Variants in ZNF407 observed in about 807,000 individuals in gnomAD.
The protein encoded by ZNF407 is zinc finger protein 407.
Under a neutral mutation model 131.2 loss-of-function variants are expected in ZNF407, and 17 were observed. That is an observed-to-expected ratio of 0.13 (90% confidence interval 0.09 to 0.19). The LOEUF (loss-of-function observed/expected upper bound fraction) is 0.19. Ranked by LOEUF, ZNF407 falls within the 10% of genes least tolerant of loss-of-function variation. The pLI, the probability that ZNF407 is intolerant of heterozygous loss-of-function variation, is 1.00. For synonymous variants in ZNF407, 1,156 were observed against 1,062.0 expected (o/e 1.09, Z -1.72); for missense variants, 2,681 against 2,830.6 (o/e 0.95, Z 1.20).
At chr18:74,828,111 C>T (rs1380852429) in intron 4 of ZNF407, among the ~76,000 whole-genome samples, 1 of 152,194 alleles carries the variant, frequency 6.6e-6, no homozygotes, top group East Asian at 1.9e-4. Context: ...TACTGCTATG[C>T]TTCCTTCGCG....
chr18:74,734,402 T>G (rs1356001290), intron 3 of ZNF407, among the ~76,000 whole-genome samples: 1 of 152,136 alleles, frequency 6.6e-6, no homozygotes, highest in Non-Finnish European at 1.5e-5. Context: ...GGTATTTCAG[T>G]TTTGTTTTTT....
intron 8 of ZNF407, among the ~76,000 whole-genome samples, chr18:74,941,058 C>T (rs931015521): frequency 6.7e-6 from 1 of 148,382 alleles, no homozygotes; most frequent in African/African-American, 2.6e-5. Flanking sequence ...TAAGTGAATC[C>T]CAGTGGCGGA....
intron 4 of ZNF407, among the ~76,000 whole-genome samples, chr18:74,851,535 G>A (rs1045725095): frequency 5.9e-5 from 9 of 152,176 alleles, no homozygotes; most frequent in Non-Finnish European, 1.2e-4. Flanking sequence ...GCACAAGGGC[G>A]CGAGGCTGTG....
intron 4 of ZNF407, among the ~76,000 whole-genome samples, chr18:74,871,150 G>A (rs1971081475): frequency 6.6e-6 from 1 of 152,150 alleles, no homozygotes; most frequent in Admixed American, 6.5e-5. Flanking sequence ...TGGGCATGGT[G>A]GCCGGTCGGC....
chr18:74,751,980 TC>T (rs1269030788), intron 3 of ZNF407, among the ~76,000 whole-genome samples: 4 of 152,200 alleles, frequency 2.6e-5, no homozygotes, highest in Admixed American at 2.6e-4. Flanking sequence ...TAGTTTACAG[TC>T]CCACCAACAG....
At chr18:74,730,249 C>G (rs1238402526) in intron 3 of ZNF407, among the ~76,000 whole-genome samples, 1 of 152,190 alleles carries the variant, frequency 6.6e-6, no homozygotes, top group Non-Finnish European at 1.5e-5. Context: ...TAAGGTTTCT[C>G]AGGTACACTT....
chr18:74,892,560 G>A (rs1006105188), intron 7 of ZNF407, among the ~76,000 whole-genome samples: 2 of 152,174 alleles, frequency 1.3e-5, no homozygotes, highest in African/African-American at 4.8e-5. Context: ...TGCTCAACAA[G>A]TGAATGCAGG....
At chr18:75,031,198 C>T (rs1171859924) in intron 8 of ZNF407, among the ~76,000 whole-genome samples, 1 of 152,198 alleles carries the variant, frequency 6.6e-6, no homozygotes, top group Non-Finnish European at 1.5e-5. Flanking sequence ...AGTTCAGCTT[C>T]CTGTGCTATT....
At chr18:74,965,620 A>G (rs981957339) in intron 8 of ZNF407, among the ~76,000 whole-genome samples, 1 of 152,256 alleles carries the variant, frequency 6.6e-6, no homozygotes, top group Non-Finnish European at 1.5e-5. Flanking sequence ...GTTGCAACAA[A>G]CATGGGAGCA....
intron 8 of ZNF407, among the ~76,000 whole-genome samples, chr18:75,057,417 G>A (rs922131900): frequency 1.3e-5 from 2 of 152,158 alleles, no homozygotes; most frequent in Non-Finnish European, 2.9e-5. Context: ...GAGACACAAT[G>A]TGACCTTTCT....
chr18:74,780,105 G>T (rs1336036112), intron 3 of ZNF407, among the ~76,000 whole-genome samples: 1 of 151,860 alleles, frequency 6.6e-6, no homozygotes, highest in Non-Finnish European at 1.5e-5. Context: ...GGTACCAGTT[G>T]TTTATAGTTG....
At chr18:74,618,086 G>T (rs1983390321) in intron 1 of ZNF407, among the ~76,000 whole-genome samples, 1 of 152,156 alleles carries the variant, frequency 6.6e-6, no homozygotes, top group East Asian at 1.9e-4. Flanking sequence ...ACTTGTAATG[G>T]TTTAATGGGA....
chr18:74,661,515 TA>T (rs1371036180), intron 3 of ZNF407, among the ~76,000 whole-genome samples: 1 of 151,592 alleles, frequency 6.6e-6, no homozygotes, highest in Non-Finnish European at 1.5e-5. Context: ...AATGTGATTT[TA>T]ATGAGAAATA....
rs201522427 is a variant in ZNF407 at position 74,634,029 on chromosome 18, G to T, written c.3010G>T (p.Asp1004Tyr). The change falls in exon 2 of 9, where the codon GAT (aspartate) becomes TAT (tyrosine). Residue 1004 changes from aspartate to tyrosine, a missense_variant. Asp to Tyr is a radical substitution (Grantham distance 160). This residue lies in a region of ZNF407 where 1,789 missense variants were observed against 1,748.7 expected (regional missense o/e 1.02). Transcript: ENST00000299687. Reference sequence around the variant, plus strand: ...GCCAGAGGACTTCGCCCAGCCGGGGGATGTGTACTCCCAGAGAGATGTTAC... The same window carrying T: ...GCCAGAGGACTTCGCCCAGCCGGGGTATGTGTACTCCCAGAGAGATGTTAC... ...SEPEDFAQPG[D>Y]VYSQRDVTGT... 1 of 1,614,046 alleles carries T rather than the reference G, an allele frequency of 6.2e-7. No individual in the cohort carries two copies. The highest frequency in any genetic ancestry group is 8.5e-7 in the Non-Finnish European group (1 of 1,179,892).
chr18:74,746,251 C>T (rs1263809362), intron 3 of ZNF407, among the ~76,000 whole-genome samples: 1 of 152,186 alleles, frequency 6.6e-6, no homozygotes, highest in East Asian at 1.9e-4. Context: ...GCTTGCAGGA[C>T]CGGGAGTGGC....
At chr18:74,892,231 C>T (rs1599224899) in intron 7 of ZNF407, among the ~76,000 whole-genome samples, 1 of 152,210 alleles carries the variant, frequency 6.6e-6, no homozygotes, top group Non-Finnish European at 1.5e-5. Flanking sequence ...TTTCTGTCTG[C>T]GTTTGGTATG....
chr18:75,052,774 C>T (rs533693233), intron 8 of ZNF407, among the ~76,000 whole-genome samples: 6 of 152,250 alleles, frequency 3.9e-5, no homozygotes, highest in African/African-American at 7.2e-5. Context: ...GGTGCCTGTG[C>T]GGCACCCGGT....
rs12327359 is a variant in ZNF407, at chr18:74,635,526, T to G, written c.4507T>G (p.Leu1503Val). 3 of 1,611,682 alleles carry G rather than the reference T, an allele frequency of 1.9e-6. No individual in the cohort carries two copies. Among genetic ancestry groups the G allele is most frequent in the Non-Finnish European group, 2.5e-6 (3 of 1,178,730 alleles). Residue 1503 changes from leucine to valine, a missense_variant, in exon 2 of 9, where the codon TTA (leucine) becomes GTA (valine). Leu to Val is a conservative substitution (Grantham distance 32). Transcript: ENST00000299687. This position sits in a 1 kb window ranked among gnomAD's most constrained non-coding sequence, Gnocchi z 4.7. ...CTTTGATTCTGAACAGAATTTATTT[T>G]TACATATTAAAGGACAGCATGAGGA... Reference protein sequence around the residue: ...EPFDSEQNLFLHIKGQHEELL... With the variant: ...EPFDSEQNLFVHIKGQHEELL...
At chr18:74,687,452 G>A (rs890218736) in intron 3 of ZNF407, among the ~76,000 whole-genome samples, 6 of 152,148 alleles carry the variant, frequency 3.9e-5, no homozygotes, top group African/African-American at 1.4e-4. Flanking sequence ...AGCGCAGGTG[G>A]CGGATGGATG....
Sources: gnomAD v4.1 joint callset for allele counts (sites outside exome capture counted in the v4.1 genomes callset) on GRCh38, gnomAD v4.1.1 for gene constraint, gnomAD v4.1.1 regional missense constraint, Gnocchi (gnomAD v3.1) non-coding constraint, MANE v1.5 for transcripts, NCBI Gene and HGNC (gene_info 2026-07-23, HGNC 2026-07-21) for gene names.